The following CSRNP3 variants were observed in gnomAD, a reference collection of about 807,000 sequenced individuals.
The protein encoded by CSRNP3 is cysteine/serine-rich nuclear protein 3.
CSRNP3 carries 12 observed loss-of-function variants against 48.0 expected under a neutral mutation model. The observed-to-expected ratio is 0.25, with a 90% CI of 0.16 to 0.41. The LOEUF is 0.41. Among genes scored for constraint, CSRNP3 ranks in the 10% least tolerant of loss-of-function variants. The pLI, the probability that CSRNP3 is intolerant of heterozygous loss-of-function variation, is 1.00. For synonymous variants in CSRNP3, 263 were observed against 269.7 expected, an observed-to-expected ratio of 0.98 and a Z score of 0.24; for missense variants, 580 against 724.4, an observed-to-expected ratio of 0.80 and a Z score of 2.29.
chr2:165,603,131 A>G (rs1685945655), intron 4 of CSRNP3, among the ~76,000 whole-genome samples: 3 of 151,918 alleles, frequency 2.0e-5, no homozygotes, highest in African/African-American at 7.2e-5. Context: ...TCCTGACCTC[A>G]TGATCCGCCC....
chr2:165,612,398 GA>G, intron 4 of CSRNP3, among the ~76,000 whole-genome samples: 1 of 152,012 alleles, frequency 6.6e-6, no homozygotes, highest in East Asian at 1.9e-4. Context: ...TAATGGACTA[GA>G]AATGATCATT....
intron 3 of CSRNP3, among the ~76,000 whole-genome samples, chr2:165,564,315 T>G (rs1478312628): frequency 6.6e-6 from 1 of 151,722 alleles, no homozygotes; most frequent in Non-Finnish European, 1.5e-5. Flanking sequence ...AATATTCTGT[T>G]AAAAAAATGC....
At chr2:165,676,182 AT>A (rs1687420142) in intron 5 of CSRNP3, 129 bp from the exon 6 acceptor site, 6 of 723,168 alleles carry the variant, frequency 8.3e-6, no homozygotes, top group Admixed American at 4.7e-5. Context: ...GATTAAAAAA[AT>A]GATCTAACAA....
chr2:165,658,336 A>G (rs886329740), intron 5 of CSRNP3, among the ~76,000 whole-genome samples: 1 of 152,204 alleles, frequency 6.6e-6, no homozygotes, highest in African/African-American at 2.4e-5. Context: ...CTTATAGAAT[A>G]GTAGAAAAGA....
chr2:165,626,280 G>A (rs1055885029), intron 4 of CSRNP3, among the ~76,000 whole-genome samples: 6 of 152,100 alleles, frequency 3.9e-5, no homozygotes, highest in East Asian at 1.9e-4. Context: ...GTAAGAAAAG[G>A]CTTTGCCAGT....
chr2:165,564,736 G>GATATCCTACTATATATAGGAAATATGTAT (rs1685276510), intron 3 of CSRNP3, among the ~76,000 whole-genome samples: 1 of 151,718 alleles, frequency 6.6e-6, no homozygotes, highest in Non-Finnish European at 1.5e-5. Flanking sequence ...ATCGCTATCT[G>GATATCCTACTATATATAGGAAATATGTAT]ATATCCTACT....
At chr2:165,600,335 G>T (rs1252751602) in intron 4 of CSRNP3, among the ~76,000 whole-genome samples, 13 of 150,740 alleles carry the variant, frequency 8.6e-5, no homozygotes, top group African/African-American at 4.9e-5. Flanking sequence ...GTCCATCATT[G>T]TTGGACATTT....
rs1478620400 is a variant in CSRNP3, at chr2:165,684,310, GAGACT to G, written c.*4558_*4562del. On this transcript the variant is annotated 3_prime_UTR_variant, in exon 7 of 7. Transcript: ENST00000651982. ...AATTTATATTCTCAGAAGCCAACAG[GAGACT>G]GCCTTTTTAAAAGGTGTCATGAAGC... 1 of 152,054 alleles carries G rather than the reference GAGACT, an allele frequency of 6.6e-6. No homozygotes were observed. Among genetic ancestry groups the G allele is most frequent in the African/African-American group, 2.4e-5 (1 of 41,434 alleles). 9.4% of individuals were successfully genotyped at this position (152,054 alleles called of 1,614,324 possible).
chr2:165,480,491 A>G lies in CSRNP3; in HGVS notation c.-283+10751A>G, dbSNP rs1042655723. Among the ~76,000 whole-genome samples the G allele has an allele frequency of 6.6e-5, 10 of 152,272 alleles. No homozygotes were observed. The East Asian group carries it at 1.9e-3, about 29-fold the overall frequency. Reference sequence around the variant, plus strand: ...ATGAAGTGCTAGAACAGTGCTTGGCACATAGTAAGCACTATATGTGTGTTG... The same window carrying G: ...ATGAAGTGCTAGAACAGTGCTTGGCGCATAGTAAGCACTATATGTGTGTTG... On this transcript the variant is annotated intron_variant, in intron 1 of 6. Transcript: ENST00000651982.
At chr2:165,480,791 A>AAT (rs562405815) in intron 1 of CSRNP3, among the ~76,000 whole-genome samples, 1 of 125,304 alleles carries the variant, frequency 8.0e-6, no homozygotes, top group Non-Finnish European at 1.8e-5. Flanking sequence ...TTATATATAT[A>AAT]ATATATATAA....
intron 4 of CSRNP3, among the ~76,000 whole-genome samples, chr2:165,650,915 T>C (rs914713130): frequency 6.6e-6 from 1 of 152,266 alleles, no homozygotes; most frequent in African/African-American, 2.4e-5. Flanking sequence ...AATTCTTCTC[T>C]CATTTAACAT....
chr2:165,531,318 A>AT (rs1684809155), intron 3 of CSRNP3, among the ~76,000 whole-genome samples: 1 of 152,200 alleles, frequency 6.6e-6, no homozygotes, highest in Non-Finnish European at 1.5e-5. Flanking sequence ...AATAAGGCAA[A>AT]TGCTTGAAAG....
At chr2:165,637,238 A>T (rs1686642881) in intron 4 of CSRNP3, among the ~76,000 whole-genome samples, 1 of 152,216 alleles carries the variant, frequency 6.6e-6, no homozygotes, top group African/African-American at 2.4e-5. Context: ...TAGGCCTGTC[A>T]CTAGGAAAGC....
At chr2:165,655,466 A>G (rs1429586024) in intron 4 of CSRNP3, among the ~76,000 whole-genome samples, 1 of 152,230 alleles carries the variant, frequency 6.6e-6, no homozygotes, top group Non-Finnish European at 1.5e-5. Context: ...CGCATAGTAC[A>G]GCACATGGGA....
intron 4 of CSRNP3, among the ~76,000 whole-genome samples, chr2:165,626,980 A>G (rs542646173): frequency 1.3e-5 from 2 of 152,178 alleles, no homozygotes; most frequent in South Asian, 2.1e-4. Flanking sequence ...TGGGATACAC[A>G]TTGCTTATTC....
At chr2:165,569,534 A>G (rs1176975266) in intron 3 of CSRNP3, among the ~76,000 whole-genome samples, 2 of 152,114 alleles carry the variant, frequency 1.3e-5, no homozygotes, top group Non-Finnish European at 2.9e-5. Flanking sequence ...CAAAGAGTCA[A>G]TTGTAAGAGT....
At chr2:165,484,650 C>T (rs1348618877) in intron 1 of CSRNP3, among the ~76,000 whole-genome samples, 3 of 152,148 alleles carry the variant, frequency 2.0e-5, no homozygotes, top group Non-Finnish European at 4.4e-5. Context: ...ATGGGACAAA[C>T]TCAATAAAGA....
chr2:165,625,944 TG>T (rs953264665), intron 4 of CSRNP3, among the ~76,000 whole-genome samples: 3 of 138,344 alleles, frequency 2.2e-5, no homozygotes, highest in African/African-American at 8.3e-5. Flanking sequence ...AAAAAATGAC[TG>T]GGCACAGTGG....
intron 1 of CSRNP3, among the ~76,000 whole-genome samples, chr2:165,472,151 A>C (rs1053562975): frequency 5.9e-5 from 9 of 152,074 alleles, no homozygotes; most frequent in African/African-American, 1.9e-4. Flanking sequence ...TTAATGTATC[A>C]ATCACTTTAA....
Sources: allele counts gnomAD v4.1 joint callset (sites outside exome capture counted in the v4.1 genomes callset), GRCh38; gene constraint gnomAD v4.1.1; transcripts MANE v1.5; gene names NCBI Gene and HGNC (gene_info 2026-07-23, HGNC 2026-07-21).